NCAM1: variants seen among roughly 807,000 people sequenced by gnomAD.
NCAM1 encodes the protein antigen recognized by monoclonal antibody 5.1H11.
Under a neutral mutation model 109.8 loss-of-function variants are expected in NCAM1, and 14 were observed. The observed-to-expected ratio is 0.13, with a 90% CI of 0.08 to 0.20. The LOEUF (loss-of-function observed/expected upper bound fraction) is 0.20. NCAM1 is among the 10% of genes least tolerant of loss of function. The pLI is 1.00. For missense variants in NCAM1, 774 were observed against 1,109.9 expected (o/e 0.70, Z 4.30); for synonymous variants, 418 against 442.9 (o/e 0.94, Z 0.70).
At chr11:113,159,426 T>C (rs1555103958) in intron 1 of NCAM1, among the ~76,000 whole-genome samples, 1 of 152,146 alleles carries the variant, frequency 6.6e-6, no homozygotes. Context: ...ATGTTTACAG[T>C]GGCAAGTAAG....
intron 1 of NCAM1, among the ~76,000 whole-genome samples, chr11:113,057,861 C>T (rs532885019): frequency 9.9e-5 from 15 of 152,226 alleles, no homozygotes; most frequent in East Asian, 5.8e-4. Flanking sequence ...TTCAGCAGAC[C>T]GCAAGACTTC....
chr11:113,052,711 C>T (rs1555081979), intron 1 of NCAM1, among the ~76,000 whole-genome samples: 2 of 152,084 alleles, frequency 1.3e-5, no homozygotes, highest in Non-Finnish European at 1.5e-5. Context: ...TTTTTAAGTT[C>T]CAGGGTACAT....
rs976254376 is a variant in NCAM1 at position 113,259,120 on chromosome 11, C to T, written c.1954-1026C>T. 2.7e-5 allele frequency among the ~76,000 whole-genome samples: 4 copies of T among 146,886 alleles called. No homozygotes were observed. In the East Asian group the frequency reaches 6.0e-4, roughly 22 times the overall value. On this transcript the variant is annotated intron_variant, in intron 16 of 19. Transcript: ENST00000316851. ...AGGCTGGAGTGCAGTGGCGGGATCT[C>T]GGCTCGCTGCAAGCTCTGCCTCCCG... is the stretch of plus-strand genomic sequence containing the variant.
chr11:113,104,213 G>GT (rs1420203535), intron 1 of NCAM1, among the ~76,000 whole-genome samples: 1 of 127,450 alleles, frequency 7.8e-6, no homozygotes, highest in Non-Finnish European at 1.7e-5. Flanking sequence ...GGGGTGGGGG[G>GT]GGGGGCGGGG....
chr11:113,079,738 T>C (rs1395954933), intron 1 of NCAM1, among the ~76,000 whole-genome samples: 2 of 152,220 alleles, frequency 1.3e-5, no homozygotes, highest in Non-Finnish European at 2.9e-5. Context: ...CACCTTCAAC[T>C]CAATCAGCCA....
chr11:113,138,532 T>G (rs1425884534), intron 1 of NCAM1, among the ~76,000 whole-genome samples: 1 of 152,230 alleles, frequency 6.6e-6, no homozygotes, highest in Non-Finnish European at 1.5e-5. Flanking sequence ...TTTTATATCA[T>G]GTGTTGAGAT....
intron 9 of NCAM1, 190 bp from the exon 10 acceptor site, chr11:113,231,454 TG>T: frequency 1.2e-6 from 1 of 863,112 alleles, no homozygotes; most frequent in Non-Finnish European, 1.8e-6. Flanking sequence ...GTTCTCATGC[TG>T]CTTCCCAGTG....
At chr11:113,051,624 TGTA>T (rs1411784869) in intron 1 of NCAM1, among the ~76,000 whole-genome samples, 2 of 152,220 alleles carry the variant, frequency 1.3e-5, no homozygotes, top group Non-Finnish European at 2.9e-5. Context: ...TTTTTCATAT[TGTA>T]GTATAAACTA....
chr11:113,270,419 G>A, intron 18 of NCAM1, 24 bp downstream of exon 18: 1 of 1,612,244 alleles, frequency 6.2e-7, no homozygotes, highest in Non-Finnish European at 8.5e-7. Flanking sequence ...TGTCCACCTT[G>A]CTGAGGTTTG....
chr11:113,138,096 G>A (rs560718296), intron 1 of NCAM1, among the ~76,000 whole-genome samples: 1 of 152,152 alleles, frequency 6.6e-6, no homozygotes, highest in Non-Finnish European at 1.5e-5. Flanking sequence ...TTACAGCAGA[G>A]AGCAGAGAAA....
intron 1 of NCAM1, among the ~76,000 whole-genome samples, chr11:113,015,997 G>A (rs1952197231): frequency 6.6e-6 from 1 of 152,112 alleles, no homozygotes; most frequent in Non-Finnish European, 1.5e-5. Flanking sequence ...GGAGAAAAGC[G>A]GGATCAGGAT....
chr11:113,255,971 C>G lies in NCAM1; in HGVS notation c.1923C>G (p.Pro641=), dbSNP rs1555122236. 6.2e-7 allele frequency: 1 copy of G among 1,604,720 alleles called. No homozygotes were observed. Among genetic ancestry groups the G allele is most frequent in the East Asian group, 2.3e-5 (1 of 44,330 alleles). Residue 641 remains proline (P), a synonymous_variant, in exon 16 of 20, where the codon CCC becomes CCG. Transcript: ENST00000316851. ...NLIKQDDGGS[P]IRHYLVRYRA... is the part of the protein sequence containing the mutation. ...TCAAGCAGGATGACGGCGGCTCCCC[C>G]ATCAGACACTATCTGGTCAGGTACC...
intron 8 of NCAM1, 79 bp from the exon 9 acceptor site, chr11:113,221,217 A>C: frequency 1.4e-6 from 2 of 1,393,174 alleles, no homozygotes; most frequent in South Asian, 2.5e-5. Flanking sequence ...CACGGAATGC[A>C]GTGTGATACA....
intron 1 of NCAM1, among the ~76,000 whole-genome samples, chr11:113,017,699 G>A (rs1359206545): frequency 7.1e-6 from 1 of 141,322 alleles, no homozygotes; most frequent in Non-Finnish European, 1.5e-5. Context: ...TTGATTTGTT[G>A]TTAAATCCTA....
chr11:112,967,238 AC>A (rs1220989258), intron 1 of NCAM1, among the ~76,000 whole-genome samples: 1 of 152,224 alleles, frequency 6.6e-6, no homozygotes, highest in Non-Finnish European at 1.5e-5. Context: ...GTATCTGATT[AC>A]CTCATCATTT....
chr11:112,983,962 A>G (rs537991151), intron 1 of NCAM1, among the ~76,000 whole-genome samples: 29 of 152,018 alleles, frequency 1.9e-4, no homozygotes, highest in Non-Finnish European at 4.0e-4. Context: ...ATACAACATT[A>G]TTACCTGGTG....
chr11:112,978,232 CA>C (rs1454896558), intron 1 of NCAM1, among the ~76,000 whole-genome samples: 1 of 127,084 alleles, frequency 7.9e-6, no homozygotes, highest in African/African-American at 2.7e-5. Context: ...AAACATGAAC[CA>C]AAAAATCTAA....
chr11:113,016,127 G>A (rs1952200059), intron 1 of NCAM1, among the ~76,000 whole-genome samples: 1 of 152,162 alleles, frequency 6.6e-6, no homozygotes, highest in Non-Finnish European at 1.5e-5. Flanking sequence ...CCCATTCATG[G>A]ATCTATTTAG....
intron 1 of NCAM1, among the ~76,000 whole-genome samples, chr11:113,127,252 A>G (rs782324933): frequency 2.0e-5 from 3 of 152,186 alleles, no homozygotes; most frequent in Admixed American, 6.5e-5. Context: ...CTCTCCAGGT[A>G]ATTCTTTTGG....
Sources: gnomAD v4.1 joint callset for allele counts (sites outside exome capture counted in the v4.1 genomes callset) on GRCh38, gnomAD v4.1.1 for gene constraint, MANE v1.5 for transcripts, NCBI Gene and HGNC (gene_info 2026-07-23, HGNC 2026-07-21) for gene names.